The following DIP2A variants were observed in gnomAD, a reference collection of about 807,000 sequenced individuals.
DIP2A encodes the protein DIP2 acetate--CoA ligase A, also known as disco-interacting protein 2 homolog A.
In DIP2A, 85 loss-of-function variants were observed where a neutral mutation model predicts 177.4. The observed-to-expected ratio is 0.48, with a 90% CI of 0.40 to 0.57. The LOEUF (loss-of-function observed/expected upper bound fraction) is 0.57. DIP2A is among the 20% of genes least tolerant of loss of function. The probability of loss-of-function intolerance (pLI) is 0.00; values close to 1 mark genes in which losing one functional copy is unlikely to be tolerated. For missense variants in DIP2A, 1,791 were observed against 2,100.2 expected (o/e 0.85, Z 2.88); for synonymous variants, 886 against 881.8 (o/e 1.00, Z -0.08).
chr21:46,493,831 G>A (rs149185556), intron 3 of DIP2A, among the ~76,000 whole-genome samples: 2 of 152,254 alleles, frequency 1.3e-5, no homozygotes, highest in East Asian at 3.9e-4. Context: ...GAAAATTGAA[G>A]CGTCTACAAA....
intron 6 of DIP2A, among the ~76,000 whole-genome samples, chr21:46,506,078 A>G (rs201150351): frequency 6.6e-6 from 1 of 151,734 alleles, no homozygotes; most frequent in Non-Finnish European, 1.5e-5. Context: ...CTTTTGGGTC[A>G]ATACCTAGAA....
At chr21:46,510,259 C>G (rs1457383028) in intron 7 of DIP2A, among the ~76,000 whole-genome samples, 1 of 152,230 alleles carries the variant, frequency 6.6e-6, no homozygotes, top group East Asian at 1.9e-4. Flanking sequence ...TCTAGTCTTT[C>G]CACGTTCTTC....
intron 1 of DIP2A, among the ~76,000 whole-genome samples, chr21:46,475,429 T>A (rs2055761395): frequency 6.6e-6 from 1 of 152,252 alleles, no homozygotes; most frequent in Non-Finnish European, 1.5e-5. Flanking sequence ...TCTTAACTTC[T>A]GTTAGAAGGA....
intron 9 of DIP2A, among the ~76,000 whole-genome samples, chr21:46,530,110 A>G (rs1569046411): frequency 6.6e-6 from 1 of 152,196 alleles, no homozygotes; most frequent in Non-Finnish European, 1.5e-5. Context: ...CTTCTGTTGG[A>G]CAGTACTACT....
At chr21:46,558,178 C>A (rs1288959310) in intron 31 of DIP2A, 45 bp from the exon 32 acceptor site, 1 of 1,564,102 alleles carries the variant, frequency 6.4e-7, no homozygotes. Context: ...GCCCTGGCAA[C>A]TCACTGAGCT....
Position 46,556,058 on chromosome 21 carries a change from C to T in DIP2A, c.3465C>T (p.Ser1155=), listed in dbSNP as rs773217280. ...SPDVLAYLDF[S]VSTTGILAGV... ...ATGTCCTCGCATACTTGGACTTCAG[C>T]GTGTCAACCACTGGGATATTAGCGG... The change falls in exon 29 of 38, where the codon AGC becomes AGT. Residue 1155 remains serine, a synonymous_variant. Transcript: ENST00000417564. This position sits in a 1 kb window ranked among gnomAD's most constrained non-coding sequence, Gnocchi z 4.5. The T allele has an allele frequency of 3.8e-5, 62 of 1,613,818 alleles. No individual in the cohort carries two copies. The South Asian group carries it at 5.4e-4, about 14-fold the overall frequency.
intron 1 of DIP2A, among the ~76,000 whole-genome samples, chr21:46,477,929 C>G (rs79387106): frequency 6.6e-6 from 1 of 151,948 alleles, no homozygotes; most frequent in African/African-American, 2.4e-5. Context: ...TAATTTCATG[C>G]GTGGTGTGAG....
At chr21:46,510,750 C>T (rs1447619362) in intron 7 of DIP2A, among the ~76,000 whole-genome samples, 1 of 151,580 alleles carries the variant, frequency 6.6e-6, no homozygotes, top group Non-Finnish European at 1.5e-5. Context: ...CCTGCCTCAG[C>T]CTCCCGAGTA....
rs2148889848 is a variant in DIP2A at position 46,556,034 on chromosome 21, T to C, written c.3441T>C (p.Asp1147=). 1 of 1,613,988 alleles carries C rather than the reference T, an allele frequency of 6.2e-7. No homozygotes were observed. The highest frequency in any genetic ancestry group is 8.5e-7 in the Non-Finnish European group (1 of 1,179,872). The change falls in exon 29 of 38, where the codon GAT becomes GAC. Residue 1147 remains aspartate (D), a synonymous_variant. Coordinates refer to ENST00000417564, the MANE Select transcript of DIP2A (RefSeq NM_015151.4). This position sits in a 1 kb window ranked among gnomAD's most constrained non-coding sequence, Gnocchi z 4.5. ...IASVFRPPSP[D]VLAYLDFSVS... ...GCGTTTTCAGGCCCCCCTCCCCCGA[T>C]GTCCTCGCATACTTGGACTTCAGCG...
rs113398713 is a variant in DIP2A at position 46,510,136 on chromosome 21, C to T, written c.904+760C>T. ...GGTCCCACAGTAAGCCATCTGCAAG[C>T]TGAGAGCAAGGAAGCCAGTCTGAGT... is the stretch of plus-strand genomic sequence containing the variant. On this transcript the variant is annotated intron_variant, in intron 7 of 37. Transcript: ENST00000417564. 2.8e-4 allele frequency among the ~76,000 whole-genome samples: 43 copies of T among 152,320 alleles called. 3 individuals are homozygous for T. Among genetic ancestry groups the T allele is most frequent in the African/African-American group, 9.9e-4 (41 of 41,568 alleles).
intron 6 of DIP2A, 50 bp downstream of exon 6, chr21:46,504,539 T>C: frequency 6.5e-7 from 1 of 1,548,970 alleles, no homozygotes; most frequent in Non-Finnish European, 8.7e-7. Context: ...ACAGGTTTTG[T>C]CTTTGGGTAT....
chr21:46,570,859 C>T (rs2060955946), downstream of DIP2A, among the ~76,000 whole-genome samples: 1 of 152,150 alleles, frequency 6.6e-6, no homozygotes, highest in Non-Finnish European at 1.5e-5. Context: ...TGAATATAAG[C>T]ATCCAAGTAG....
intron 8 of DIP2A, among the ~76,000 whole-genome samples, chr21:46,513,293 G>C (rs926342809): frequency 6.6e-6 from 1 of 151,992 alleles, no homozygotes; most frequent in Non-Finnish European, 1.5e-5. Flanking sequence ...GTATATTGTT[G>C]GTATAAAGTT....
intron 8 of DIP2A, among the ~76,000 whole-genome samples, chr21:46,523,384 G>A (rs2058917176): frequency 6.8e-6 from 1 of 146,508 alleles, no homozygotes; most frequent in African/African-American, 2.5e-5. Context: ...ACAGGCGTGC[G>A]CCTGGCTAAT....
intron 8 of DIP2A, among the ~76,000 whole-genome samples, chr21:46,528,184 G>A (rs563652158): frequency 2.0e-5 from 3 of 152,118 alleles, no homozygotes; most frequent in Admixed American, 2.0e-4. Flanking sequence ...TTGATTTTTG[G>A]TCAGGGGAAC....
In DIP2A at chr21:46,498,031, A is replaced by G. The variant is rs2057447612; in HGVS notation, c.404-551A>G. On this transcript the variant is annotated intron_variant, in intron 4 of 37. Transcript: ENST00000417564. This position sits in a 1 kb window ranked among gnomAD's most constrained non-coding sequence, Gnocchi z 4.3. ...TCTGAAGCAATTTTCTCGGAGAAGG[A>G]ATTGTTTTTAGGGCTAGTTCACATG... 6.6e-6 allele frequency among the ~76,000 whole-genome samples: 1 copy of G among 152,188 alleles called. No homozygotes were observed. Among genetic ancestry groups the G allele is most frequent in the Non-Finnish European group, 1.5e-5 (1 of 68,034 alleles).
chr21:46,475,086 A>T (rs199809385), intron 1 of DIP2A, among the ~76,000 whole-genome samples: 2 of 16 alleles, frequency 0.12, no homozygotes, highest in African/African-American at 0.5. Context: ...TTCTCCACTT[A>T]ACACTCTTCC....
At chr21:46,565,983 C>A in intron 36 of DIP2A, 96 bp downstream of exon 36, 1 of 1,414,770 alleles carries the variant, frequency 7.1e-7, no homozygotes. Context: ...TCACTCCTTG[C>A]TGTGGTCTGG....
intron 25 of DIP2A, 73 bp from the exon 26 acceptor site, chr21:46,554,096 T>G: frequency 4.7e-6 from 7 of 1,490,838 alleles, no homozygotes; most frequent in Middle Eastern, 2.0e-4. Context: ...GTGCAGGTGG[T>G]GTGCACGCAG....
Sources: gnomAD v4.1 joint callset for allele counts (sites outside exome capture counted in the v4.1 genomes callset) on GRCh38, gnomAD v4.1.1 for gene constraint, Gnocchi (gnomAD v3.1) non-coding constraint, MANE v1.5 for transcripts, NCBI Gene and HGNC (gene_info 2026-07-23, HGNC 2026-07-21) for gene names.